ALPK1: variants seen among roughly 807,000 people sequenced by gnomAD.
ALPK1 encodes alpha kinase 1.
ALPK1 carries 110 observed loss-of-function variants against 120.6 expected under a neutral mutation model. The ratio of observed to expected loss-of-function variants is 0.91; its 90% CI spans 0.78 to 1.07. ALPK1 has a LOEUF of 1.07. Ranked by LOEUF, ALPK1 falls within the 50% of genes least tolerant of loss-of-function variation. ALPK1 has a pLI of 0.00. For synonymous variants in ALPK1, 582 were observed against 560.3 expected (o/e 1.04, Z -0.55); for missense variants, 1,498 against 1,483.9 (o/e 1.01, Z -0.16).
chr4:112,340,282 G>T (rs1247552417), intron 2 of ALPK1, among the ~76,000 whole-genome samples: 1 of 152,122 alleles, frequency 6.6e-6, no homozygotes, highest in African/African-American at 2.4e-5. Context: ...AAATGTCTAC[G>T]GCAAACATTG....
At chr4:112,410,128 G>A (rs1328913478) in intron 4 of ALPK1, among the ~76,000 whole-genome samples, 2 of 152,030 alleles carry the variant, frequency 1.3e-5, no homozygotes, top group African/African-American at 2.4e-5. Context: ...TGACTCAAAG[G>A]GGACCCTCTG....
chr4:112,407,225 C>A (rs184907179), intron 4 of ALPK1, among the ~76,000 whole-genome samples: 2 of 152,302 alleles, frequency 1.3e-5, no homozygotes, highest in Non-Finnish European at 2.9e-5. Flanking sequence ...GTCTGAAGAT[C>A]TGTTTTGCAA....
chr4:112,331,376 G>A (rs911791716), intron 2 of ALPK1, among the ~76,000 whole-genome samples: 2 of 152,150 alleles, frequency 1.3e-5, no homozygotes, highest in Admixed American at 6.5e-5. Context: ...ATATCCATAC[G>A]TGTATCTCTA....
At chr4:112,424,562 C>A (rs1291387853) in intron 6 of ALPK1, among the ~76,000 whole-genome samples, 1 of 152,202 alleles carries the variant, frequency 6.6e-6, no homozygotes, top group East Asian at 1.9e-4. Flanking sequence ...AATTTCTGGG[C>A]ATTTAAGTTA....
At chr4:112,373,987 C>T (rs1163398928) in intron 2 of ALPK1, among the ~76,000 whole-genome samples, 7 of 152,148 alleles carry the variant, frequency 4.6e-5, no homozygotes, top group African/African-American at 7.2e-5. Context: ...TCAGAGTGAT[C>T]GTTGCTGAAG....
At chr4:112,407,847 G>A (rs780830131) in intron 4 of ALPK1, among the ~76,000 whole-genome samples, 27 of 152,148 alleles carry the variant, frequency 1.8e-4, no homozygotes, top group Non-Finnish European at 3.7e-4. Context: ...GGTGGCTCAC[G>A]CCTGTAATCC....
chr4:112,397,769 T>C (rs972421618), intron 4 of ALPK1, among the ~76,000 whole-genome samples: 2 of 152,298 alleles, frequency 1.3e-5, no homozygotes, highest in Middle Eastern at 6.8e-3. Context: ...GTGAATGAAT[T>C]AGAATTACAT....
intron 5 of ALPK1, chr4:112,414,317 A>G (rs1234653159): frequency 2.0e-6 from 1 of 491,204 alleles, no homozygotes; most frequent in Non-Finnish European, 4.1e-6. Context: ...GCAAGAGAAG[A>G]CCCACAAGGC....
At chr4:112,378,019 G>A in intron 3 of ALPK1, 121 bp downstream of exon 3, 1 of 1,164,420 alleles carries the variant, frequency 8.6e-7, no homozygotes, top group Non-Finnish European at 1.1e-6. Flanking sequence ...ACCACCGAGA[G>A]ATGAGTGGAT....
At chr4:112,379,810 C>A (rs74689340) in intron 3 of ALPK1, among the ~76,000 whole-genome samples, 14 of 152,276 alleles carry the variant, frequency 9.2e-5, no homozygotes, top group African/African-American at 3.4e-4. Flanking sequence ...GAACTGAAAT[C>A]CAGAGATACA....
chr4:112,349,551 G>GCCCCCCCCCCCCCCCCC (rs10625139), intron 2 of ALPK1, among the ~76,000 whole-genome samples: 2 of 103,714 alleles, frequency 1.9e-5, no homozygotes, highest in Non-Finnish European at 1.9e-5. Flanking sequence ...CCCAACCCCT[G>GCCCCCCCCCCCCCCCCC]CCCCCCCCCG....
chr4:112,420,841 AAGAGAGAG>A (rs141678964), intron 5 of ALPK1, among the ~76,000 whole-genome samples: 6 of 149,510 alleles, frequency 4.0e-5, no homozygotes, highest in Non-Finnish European at 6.0e-5. Flanking sequence ...CATAGAGAGA[AAGAGAGAG>A]AGAGAGAGAG....
At chr4:112,365,926 C>T (rs140670923) in intron 2 of ALPK1, among the ~76,000 whole-genome samples, 1,925 of 152,032 alleles carry the variant, frequency 0.013, 48 homozygotes, top group African/African-American at 0.043. Context: ...AACTGATCTT[C>T]GACAAAGTAA....
chr4:112,417,774 C>G (rs1282666358), intron 5 of ALPK1, among the ~76,000 whole-genome samples: 1 of 152,174 alleles, frequency 6.6e-6, no homozygotes, highest in East Asian at 1.9e-4. Context: ...GCATGAGTCA[C>G]CGTGCCTGGC....
intron 4 of ALPK1, among the ~76,000 whole-genome samples, chr4:112,405,641 T>A (rs1237823917): frequency 2.0e-5 from 3 of 152,140 alleles, no homozygotes; most frequent in Non-Finnish European, 4.4e-5. Flanking sequence ...AATGGTGCAA[T>A]CTCGGCTCAC....
chr4:112,424,041 A>G, intron 6 of ALPK1, 38 bp downstream of exon 6: 1 of 1,577,908 alleles, frequency 6.3e-7, no homozygotes, highest in Non-Finnish European at 8.7e-7. Context: ...CTTTTACCTC[A>G]GCCCCGAACA....
intron 2 of ALPK1, among the ~76,000 whole-genome samples, chr4:112,362,992 C>T (rs961746532): frequency 6.6e-6 from 1 of 152,154 alleles, no homozygotes; most frequent in African/African-American, 2.4e-5. Flanking sequence ...AATTAAGCTT[C>T]ATAAATGAAG....
intron 2 of ALPK1, among the ~76,000 whole-genome samples, chr4:112,371,755 A>G (rs1464354420): frequency 1.3e-5 from 2 of 152,256 alleles, no homozygotes; most frequent in African/African-American, 4.8e-5. Flanking sequence ...ATATTTAGTA[A>G]TCGACTTCTA....
At position 112,429,256 on chromosome 4, in the gene ALPK1, A is replaced by T. The variant is rs1181117768; in HGVS notation, c.900+3A>T. 6.2e-7 allele frequency: 1 copy of T among 1,608,704 alleles called. No individual in the cohort carries two copies. Among genetic ancestry groups the T allele is most frequent in the Non-Finnish European group, 8.5e-7 (1 of 1,178,028 alleles). ...CGCTCTTCGTGCTCACAGCTGTGGT[A>T]AACGAATGCAGCCGCTCCTCAAACC... On this transcript the variant is annotated splice_donor_region_variant and intron_variant, in intron 10 of 15. Coordinates refer to ENST00000650871, the MANE Select transcript of ALPK1 (RefSeq NM_025144.4).
Sources: gnomAD v4.1 joint callset for allele counts (sites outside exome capture counted in the v4.1 genomes callset) on GRCh38, gnomAD v4.1.1 for gene constraint, MANE v1.5 for transcripts, NCBI Gene and HGNC (gene_info 2026-07-23, HGNC 2026-07-21) for gene names.